Variants in RNF122 observed in about 807,000 individuals in gnomAD.
RNF122 encodes ring finger protein 122.
Under a neutral mutation model 24.2 loss-of-function variants are expected in RNF122, and 17 were observed. The observed-to-expected ratio is 0.70, with a 90% confidence interval of 0.48 to 1.06. The LOEUF (loss-of-function observed/expected upper bound fraction) is 1.06, where lower values mean the gene tolerates loss of function less well. Among genes scored for constraint, RNF122 ranks in the 50% least tolerant of loss-of-function variants. The pLI is 0.00. For missense variants in RNF122, 168 were observed against 198.1 expected (o/e 0.85, Z 0.91); for synonymous variants, 65 against 71.8 (o/e 0.91, Z 0.48).
chr8:33,565,388 T>C (rs1563371538), intron 1 of RNF122, among the ~76,000 whole-genome samples: 2 of 150,912 alleles, frequency 1.3e-5, no homozygotes, highest in South Asian at 2.1e-4. Flanking sequence ...ATGATTTTTT[T>C]CCCCCTGTAA....
chr8:33,549,345 G>A, intron 5 of RNF122, 65 bp downstream of exon 5: 1 of 1,341,652 alleles, frequency 7.5e-7, no homozygotes, highest in Non-Finnish European at 1.1e-6. Flanking sequence ...GAGACTGGAA[G>A]TTTCCAGAAG....
chr8:33,562,757 C>G (rs1391648949), intron 1 of RNF122, among the ~76,000 whole-genome samples: 1 of 151,426 alleles, frequency 6.6e-6, no homozygotes, highest in Admixed American at 6.6e-5. Context: ...AACACCATCT[C>G]TACTAAAATA....
rs1810633717 is a variant in RNF122 at position 33,566,810 on chromosome 8, G to T, written c.-87C>A. On this transcript the variant is annotated 5_prime_UTR_variant, in exon 1 of 6. Transcript: ENST00000256257. ...GGTGGGAGCACTAGCGGCGTGAGGG[G>T]CCGCAGGCGGGGTCGGGGCAGCGCG... The T allele has an allele frequency of 6.8e-7, 1 of 1,468,584 alleles. No individual in the cohort carries two copies. The highest frequency in any genetic ancestry group is 1.9e-4 in the Middle Eastern group (1 of 5,312). The allele number at this position is 1,468,584 out of a possible 1,614,324, so 91.0% of individuals were successfully genotyped here. A position where few individuals can be genotyped will look rare whatever the true frequency, so the allele number is the denominator to read the frequency against.
chr8:33,559,944 C>G (rs1046524402), intron 1 of RNF122, among the ~76,000 whole-genome samples: 1 of 151,282 alleles, frequency 6.6e-6, no homozygotes, highest in Non-Finnish European at 1.5e-5. Flanking sequence ...CAGGTTCAAG[C>G]GATTCTCCTG....
chr8:33,558,471 G>T (rs1810488581), intron 2 of RNF122, 144 bp downstream of exon 2: 1 of 537,598 alleles, frequency 1.9e-6, no homozygotes, highest in African/African-American at 1.9e-5. Flanking sequence ...CCTAGAGAAG[G>T]GCAGGCTCAG....
At chr8:33,554,472 A>C (rs1810420912) in intron 2 of RNF122, among the ~76,000 whole-genome samples, 1 of 152,132 alleles carries the variant, frequency 6.6e-6, no homozygotes, top group Admixed American at 6.5e-5. Flanking sequence ...ATCCTCCAAA[A>C]CTCAGAACAG....
At chr8:33,554,021 A>C (rs772374349) in intron 2 of RNF122, among the ~76,000 whole-genome samples, 14 of 152,224 alleles carry the variant, frequency 9.2e-5, no homozygotes, top group Non-Finnish European at 1.0e-4. Flanking sequence ...TTCACTTTGC[A>C]GAGAGCTCCT....
chr8:33,555,908 C>G (rs1481338069), intron 2 of RNF122, among the ~76,000 whole-genome samples: 1 of 152,182 alleles, frequency 6.6e-6, no homozygotes, highest in African/African-American at 2.4e-5. Context: ...TGGCTCATGC[C>G]TGTAATCCCA....
chr8:33,554,302 T>C (rs1321835969), intron 2 of RNF122, among the ~76,000 whole-genome samples: 1 of 152,206 alleles, frequency 6.6e-6, no homozygotes, highest in African/African-American at 2.4e-5. Flanking sequence ...GAGTGATTGC[T>C]ATGCATCTTT....
intron 1 of RNF122, among the ~76,000 whole-genome samples, chr8:33,560,141 C>G (rs1422762051): frequency 1.3e-5 from 2 of 152,042 alleles, no homozygotes; most frequent in African/African-American, 4.8e-5. Flanking sequence ...GGCACCTAGC[C>G]AGGACCTACG....
chr8:33,566,677 G>C (rs1187939135), intron 1 of RNF122, 22 bp downstream of exon 1: 2 of 1,595,832 alleles, frequency 1.3e-6, no homozygotes, highest in East Asian at 2.3e-5. Flanking sequence ...ACGTAGGCTC[G>C]GCCCTCGCCC....
chr8:33,555,888 C>A (rs1810444007), intron 2 of RNF122, among the ~76,000 whole-genome samples: 1 of 152,146 alleles, frequency 6.6e-6, no homozygotes, highest in African/African-American at 2.4e-5. Context: ...TGGCTAAAGG[C>A]CGGGCACGGT....
At chr8:33,565,090 C>T (rs1041361275) in intron 1 of RNF122, among the ~76,000 whole-genome samples, 3 of 151,856 alleles carry the variant, frequency 2.0e-5, no homozygotes, top group African/African-American at 4.9e-5. Flanking sequence ...CAAGGGCTGG[C>T]CAAGAAAGAC....
rs138446137 is a variant in RNF122, at chr8:33,557,865, G to A, written c.182+750C>T. ...GCGGAATAAACAAGTAGCTCCGCCC[G>A]GGTGTGGTGACTCATGCCTGCAATC... On this transcript the variant is annotated intron_variant, in intron 2 of 5. Transcript: ENST00000256257. 1.7e-3 allele frequency among the ~76,000 whole-genome samples: 258 copies of A among 152,180 alleles called. 2 individuals are homozygous for A. The highest frequency in any genetic ancestry group is 6.1e-3 in the African/African-American group (255 of 41,538).
chr8:33,564,550 T>G (rs1359954874), intron 1 of RNF122, among the ~76,000 whole-genome samples: 1 of 148,112 alleles, frequency 6.8e-6, no homozygotes, highest in Non-Finnish European at 1.5e-5. Flanking sequence ...TCCAGCATGG[T>G]TGTCGGAGTG....
In RNF122 at chr8:33,549,935, GTTTTT is replaced by G. The variant is rs776996573; in HGVS notation, c.271-448_271-444del. ...GGGCATGGTATATGTGATCAGTTAT[GTTTTT>G]TTTTTTTTTTGAGATGGAGTTTCAC... On this transcript the variant is annotated intron_variant, in intron 4 of 5. Transcript: ENST00000256257. Among the ~76,000 whole-genome samples the G allele has an allele frequency of 1.4e-3, 195 of 140,158 alleles. 2 individuals carry two copies. Among genetic ancestry groups the G allele is most frequent in the Non-Finnish European group, 1.0e-3 (66 of 63,542 alleles). The allele number at this position is 140,158 out of a possible 152,430, so 91.9% of individuals were successfully genotyped here.
At chr8:33,565,257 C>T (rs1352129031) in intron 1 of RNF122, among the ~76,000 whole-genome samples, 1 of 152,128 alleles carries the variant, frequency 6.6e-6, no homozygotes, top group Non-Finnish European at 1.5e-5. Context: ...TGAGATCCGA[C>T]CAGCAAAAGG....
chr8:33,557,727 C>A (rs769106226), intron 2 of RNF122, among the ~76,000 whole-genome samples: 4 of 151,946 alleles, frequency 2.6e-5, no homozygotes, highest in Non-Finnish European at 5.9e-5. Flanking sequence ...TGGAGTGTGG[C>A]GAGCCCTGCC....
At position 33,548,710 on chromosome 8, in the gene RNF122, T is replaced by C. The variant is rs562270803; in HGVS notation, c.*43A>G. 2 of 1,229,630 alleles carry C rather than the reference T, an allele frequency of 1.6e-6. No individual in the cohort carries two copies. The highest frequency in any genetic ancestry group is 1.5e-5 in the African/African-American group (1 of 67,248). 76.2% of individuals were successfully genotyped at this position (1,229,630 alleles called of 1,614,324 possible). ...GCTGTGCAGAGGGACCAGACATCCATGAGGCAAGAGGTCTTCTCCAGGTCT... is the reference window on the plus strand; with the variant it reads ...GCTGTGCAGAGGGACCAGACATCCACGAGGCAAGAGGTCTTCTCCAGGTCT... On this transcript the variant is annotated 3_prime_UTR_variant, in exon 6 of 6. Coordinates refer to ENST00000256257, the MANE Select transcript of RNF122 (RefSeq NM_024787.3).
Sources: gnomAD v4.1 joint callset for allele counts (sites outside exome capture counted in the v4.1 genomes callset) on GRCh38, gnomAD v4.1.1 for gene constraint, MANE v1.5 for transcripts, NCBI Gene and HGNC (gene_info 2026-07-23, HGNC 2026-07-21) for gene names.